B4GALT7: variants seen among roughly 807,000 people sequenced by gnomAD.
B4GALT7 encodes UDP-Gal:beta-GlcNAc beta-1,4-galactosyltransferase 7.
A neutral mutation model predicts 33.0 loss-of-function variants in B4GALT7; 30 were observed. The ratio of observed to expected loss-of-function variants is 0.91; its 90% confidence interval spans 0.68 to 1.23. The LOEUF (loss-of-function observed/expected upper bound fraction) is 1.23, where lower values mean the gene tolerates loss of function less well. Ranked by LOEUF, B4GALT7 falls within the 50% of genes most tolerant of loss-of-function variation. The pLI is 0.00. For missense variants in B4GALT7, 507 were observed against 450.8 expected (o/e 1.12, Z -1.13); for synonymous variants, 213 against 187.2 (o/e 1.14, Z -1.13).
intron 2 of B4GALT7, chr5:177,604,911 G>A (rs1581993231): frequency 2.2e-6 from 1 of 460,232 alleles, no homozygotes; most frequent in Non-Finnish European, 4.3e-6. Flanking sequence ...GGGAAAGGGA[G>A]GGTCAAGGCC....
intron 3 of B4GALT7, 126 bp downstream of exon 3, chr5:177,607,653 C>G (rs1222803574): frequency 1.1e-6 from 1 of 938,182 alleles, no homozygotes; most frequent in Admixed American, 2.2e-5. Flanking sequence ...AGCAGGAGAA[C>G]TTGGGAGCAG....
At chr5:177,607,155 T>C (rs1222926254) in intron 2 of B4GALT7, 147 bp from the exon 3 acceptor site, 6 of 717,370 alleles carry the variant, frequency 8.4e-6, no homozygotes, top group Non-Finnish European at 9.9e-6. Context: ...AAATATGCGA[T>C]GAGTGGAGGG....
At position 177,608,328 on chromosome 5, in the gene B4GALT7, CCT is replaced by C. The variant is rs1443818766; in HGVS notation, c.640-207_640-206del. On this transcript the variant is annotated intron_variant, in intron 3 of 5. Transcript: ENST00000029410. This position sits in a 1 kb window ranked among gnomAD's most constrained non-coding sequence, Gnocchi z 4.1. ...AGCCAGCCGTTTTTGAGAAGGTGAG[CCT>C]CTCACACAGGTTCAAGGCCCCGTGA... The C allele has an allele frequency of 5.6e-4, 321 of 578,272 alleles. 4 individuals carry two copies. The East Asian group carries it at 9.2e-3, about 17-fold the overall frequency. 35.8% of individuals were successfully genotyped at this position (578,272 alleles called of 1,614,324 possible). A position where few individuals can be genotyped will look rare whatever the true frequency, so the allele number is the denominator to read the frequency against.
Position 177,604,228 on chromosome 5 carries a change from C to T in B4GALT7, c.100C>T (p.Leu34=), listed in dbSNP as rs753921062. The change falls in exon 2 of 6, where the codon CTG becomes TTG. Residue 34 remains leucine (L), a synonymous_variant. Transcript: ENST00000029410. The part of the protein sequence containing the change: ...GLPRKCSVFH[L]FVACLSLGFF... The stretch of plus-strand genomic sequence containing the variant: ...CCCTCGGAAGTGTTCCGTCTTCCAC[C>T]TGTTCGTGGCCTGCCTCTCGCTGGG... The T allele has an allele frequency of 1.2e-6, 2 of 1,613,636 alleles. No homozygotes were observed. Among genetic ancestry groups the T allele is most frequent in the Admixed American group, 3.3e-5 (2 of 59,990 alleles).
Position 177,600,233 on chromosome 5 carries a change from C to T in B4GALT7, c.23C>T (p.Ala8Val). MFPSRRK[A>V]AQLPWEDGRS... Reference sequence around the variant, plus strand: ...ACGATGTTCCCCTCGCGGAGGAAAGCGGCGCAGCTGCCCTGGGAGGACGGC... The same window carrying T: ...ACGATGTTCCCCTCGCGGAGGAAAGTGGCGCAGCTGCCCTGGGAGGACGGC... The change falls in exon 1 of 6, where the codon GCG (alanine) becomes GTG (valine). Residue 8 changes from alanine (A) to valine (V), a missense_variant. Transcript: ENST00000029410. The surrounding 1 kb of genome is among the most constrained non-coding windows in gnomAD (Gnocchi z 4.4). 1 of 1,395,850 alleles carries T rather than the reference C, an allele frequency of 7.2e-7. No individual in the cohort carries two copies. Among genetic ancestry groups the T allele is most frequent in the Non-Finnish European group, 9.4e-7 (1 of 1,068,756 alleles). 86.5% of individuals were successfully genotyped at this position (1,395,850 alleles called of 1,614,324 possible).
chr5:177,602,330 A>G (rs150926244), intron 1 of B4GALT7, among the ~76,000 whole-genome samples: 240 of 152,280 alleles, frequency 1.6e-3, no homozygotes, highest in African/African-American at 5.5e-3. Context: ...TGGCTTTAGC[A>G]TGTGACTTAA....
intron 2 of B4GALT7, 33 bp from the exon 3 acceptor site, chr5:177,607,269 C>G: frequency 6.4e-7 from 1 of 1,558,028 alleles, no homozygotes. Context: ...AGCCCGTGTG[C>G]TGCCCCTGCC....
At chr5:177,607,658 G>A in intron 3 of B4GALT7, 131 bp downstream of exon 3, 1 of 885,378 alleles carries the variant, frequency 1.1e-6, no homozygotes. Context: ...GAGAACTTGG[G>A]AGCAGCCAGA....
chr5:177,604,166 G>A lies in B4GALT7; in HGVS notation c.51-13G>A, dbSNP rs1405020049. 16 of 1,613,176 alleles carry A rather than the reference G, an allele frequency of 9.9e-6. No individual in the cohort carries two copies. The Admixed American group carries it at 2.5e-4, about 25-fold the overall frequency. Reference sequence around the variant, plus strand: ...TGCCCCGCCCTCCTGACCCTGTCCCGCGCTTGCTCCAGGTCCGGGTTGCTC... The same window carrying A: ...TGCCCCGCCCTCCTGACCCTGTCCCACGCTTGCTCCAGGTCCGGGTTGCTC... On this transcript the variant is annotated splice_polypyrimidine_tract_variant and intron_variant, in intron 1 of 5. Coordinates refer to ENST00000029410, the MANE Select transcript of B4GALT7 (RefSeq NM_007255.3).
At position 177,609,942 on chromosome 5, in the gene B4GALT7, C is replaced by A. The variant is rs548327809; in HGVS notation, c.*247C>A. ...GGCTGGGGTGTGTCCTGTCCGGGAC[C>A]CCCCCTGCCTTCCTGCTCACCCTAC... is the stretch of plus-strand genomic sequence containing the variant. On this transcript the variant is annotated 3_prime_UTR_variant, in exon 6 of 6. Transcript: ENST00000029410. 1 of 566,552 alleles carries A rather than the reference C, an allele frequency of 1.8e-6. No individual in the cohort carries two copies. Among genetic ancestry groups the A allele is most frequent in the South Asian group, 2.0e-5 (1 of 50,442 alleles). 35.1% of individuals were successfully genotyped at this position (566,552 alleles called of 1,614,324 possible).
In B4GALT7 at chr5:177,607,410, C is replaced by T. The variant is rs775207945; in HGVS notation, c.522C>T (p.Asp174=). 45 of 1,614,010 alleles carry T rather than the reference C, an allele frequency of 2.8e-5. No homozygotes were observed. In the Admixed American group the frequency reaches 3.3e-4, roughly 12 times the overall value. The change falls in exon 3 of 6, where the codon GAC becomes GAT. Residue 174 remains aspartate (D), a synonymous_variant. Coordinates refer to ENST00000029410, the MANE Select transcript of B4GALT7 (RefSeq NM_007255.3). ...VDLLPLNEEL[D]YGFPEAGPFH... The stretch of plus-strand genomic sequence containing the variant: ...TGCTCCCTCTCAACGAGGAGCTGGA[C>T]TATGGCTTTCCTGAGGCTGGGCCCT...
Position 177,606,675 on chromosome 5 carries a change from T to C in B4GALT7, c.414-627T>C. ...GCACGCCTCTACCCTGCTCAGAGCCTCCATGGCACCCATCTTACCCGAGTC... is the reference window on the plus strand; with the variant it reads ...GCACGCCTCTACCCTGCTCAGAGCCCCCATGGCACCCATCTTACCCGAGTC... On this transcript the variant is annotated intron_variant, in intron 2 of 5. Coordinates refer to ENST00000029410, the MANE Select transcript of B4GALT7 (RefSeq NM_007255.3). The surrounding 1 kb of genome is among the most constrained non-coding windows in gnomAD (Gnocchi z 4.2). 5.2e-6 allele frequency: 1 copy of C among 191,798 alleles called. No homozygotes were observed. The highest frequency in any genetic ancestry group is 1.1e-5 in the Non-Finnish European group (1 of 91,472). 11.9% of individuals were successfully genotyped at this position (191,798 alleles called of 1,614,324 possible). A position where few individuals can be genotyped will look rare whatever the true frequency, so the allele number is the denominator to read the frequency against.
At chr5:177,607,559 C>G in intron 3 of B4GALT7, 32 bp downstream of exon 3, 1 of 1,589,374 alleles carries the variant, frequency 6.3e-7, no homozygotes, top group Non-Finnish European at 8.6e-7. Context: ...CTGCTCAGAG[C>G]CGGGAGCTCC....
rs563775424 is a variant in B4GALT7, at chr5:177,608,841, G to C, written c.724-69G>C. 1 of 1,397,432 alleles carries C rather than the reference G, an allele frequency of 7.2e-7. No homozygotes were observed. Among genetic ancestry groups the C allele is most frequent in the Non-Finnish European group, 1.0e-6 (1 of 987,314 alleles). 86.6% of individuals were successfully genotyped at this position (1,397,432 alleles called of 1,614,324 possible). A position where few individuals can be genotyped will look rare whatever the true frequency, so the allele number is the denominator to read the frequency against. On this transcript the variant is annotated intron_variant, in intron 4 of 5. Coordinates refer to ENST00000029410, the MANE Select transcript of B4GALT7 (RefSeq NM_007255.3). The surrounding 1 kb of genome is among the most constrained non-coding windows in gnomAD (Gnocchi z 4.1). ...TGCAGGTCCCTTCCTGTGGGACCTC[G>C]GGAGCTGGTGGTGAGGGCTGGGGCT... is the stretch of plus-strand genomic sequence containing the variant.
rs2127514615 is a variant in B4GALT7, at chr5:177,609,628, C to T, written c.917C>T (p.Pro306Leu). 6.2e-7 allele frequency: 1 copy of T among 1,614,002 alleles called. No homozygotes were observed. Among genetic ancestry groups the T allele is most frequent in the East Asian group, 2.2e-5 (1 of 44,876 alleles). Residue 306 changes from proline (P) to leucine (L), a missense_variant, in exon 6 of 6, where the codon CCC becomes CTC. Transcript: ENST00000029410. ...ACTGCCCTGTCTGTGGGCGGGGCCC[C>T]CTGCACTGTCCTCAACATCATGTTG... is the stretch of plus-strand genomic sequence containing the variant. ...SRTALSVGGAPCTVLNIMLDC... is the reference protein window; with the variant it reads ...SRTALSVGGALCTVLNIMLDC...
chr5:177,603,188 A>G (rs1767888816), intron 1 of B4GALT7: 1 of 985,188 alleles, frequency 1.0e-6, no homozygotes, highest in South Asian at 4.7e-5. Context: ...GCCAGGAGAT[A>G]GAATTTATAA....
chr5:177,610,288 G>T lies in B4GALT7; in HGVS notation c.*593G>T. 6.4e-6 allele frequency: 1 copy of T among 155,314 alleles called. No individual in the cohort carries two copies. The allele number at this position is 155,314 out of a possible 1,614,324, so 9.6% of individuals were successfully genotyped here. ...GCTGGATTCTTAAGTGATATCTTCT[G>T]ATTTTTTAAATGATAGCACCTAAAT... On this transcript the variant is annotated 3_prime_UTR_variant, in exon 6 of 6. Transcript: ENST00000029410.
rs988657754 is a variant in B4GALT7, at chr5:177,608,041, G to A, written c.640-498G>A. 5.6e-5 allele frequency: 13 copies of A among 231,114 alleles called. No homozygotes were observed. The highest frequency in any genetic ancestry group is 9.5e-5 in the Non-Finnish European group (11 of 115,476). The allele number at this position is 231,114 out of a possible 1,614,324, so 14.3% of individuals were successfully genotyped here. ...CTCAGCCAGTCACTGGCTGGTGGAC[G>A]GGCAGGCAGGAAGAAGCACTTGTGG... On this transcript the variant is annotated intron_variant, in intron 3 of 5. Transcript: ENST00000029410. This position sits in a 1 kb window ranked among gnomAD's most constrained non-coding sequence, Gnocchi z 4.1.
rs145226749 is a variant in B4GALT7 at position 177,608,578 on chromosome 5, G to A, written c.679G>A (p.Glu227Lys). Residue 227 changes from glutamate (E) to lysine (K), a missense_variant, in exon 4 of 6, where the codon GAG becomes AAG. Coordinates refer to ENST00000029410, the MANE Select transcript of B4GALT7 (RefSeq NM_007255.3). The surrounding 1 kb of genome is among the most constrained non-coding windows in gnomAD (Gnocchi z 4.1). ...MSNRFWGWGR[E>K]DDEFYRRIKG... ...CAACCGCTTCTGGGGCTGGGGCCGC[G>A]AGGACGACGAGTTCTACCGGCGCAT... 17 of 1,613,910 alleles carry A rather than the reference G, an allele frequency of 1.1e-5. No individual in the cohort carries two copies. The highest frequency in any genetic ancestry group is 4.4e-5 in the South Asian group (4 of 91,068).
Sources: allele counts gnomAD v4.1 joint callset (sites outside exome capture counted in the v4.1 genomes callset), GRCh38; gene constraint gnomAD v4.1.1; non-coding constraint Gnocchi (gnomAD v3.1); transcripts MANE v1.5; gene names NCBI Gene and HGNC (gene_info 2026-07-23, HGNC 2026-07-21).